The following MED12 variants were observed in gnomAD, a reference collection of about 807,000 sequenced individuals.
MED12 encodes the protein mediator of RNA polymerase II transcription subunit 12.
In MED12, 10 loss-of-function variants were observed where a neutral mutation model predicts 177.7. That is an observed-to-expected ratio of 0.06 (90% CI 0.03 to 0.10). MED12 has a LOEUF of 0.10. Among genes scored for constraint, MED12 ranks in the 10% least tolerant of loss-of-function variants. The pLI, the probability that MED12 is intolerant of heterozygous loss-of-function variation, is 1.00. For synonymous variants in MED12, 641 were observed against 678.4 expected, an observed-to-expected ratio of 0.94 and a Z score of 0.86; for missense variants, 867 against 1,780.8, an observed-to-expected ratio of 0.49 and a Z score of 9.23.
chrX:71,124,053 G>C, intron 12 of MED12, 106 bp from the exon 13 acceptor site: 1 of 700,061 alleles, frequency 1.4e-6, no homozygotes, highest in Non-Finnish European at 2.2e-6. Flanking sequence ...CAATTTCTGG[G>C]ATTTCTATTT....
chrX:71,124,135 T>C (rs756431590), intron 12 of MED12, 24 bp from the exon 13 acceptor site: 51 of 1,171,966 alleles, frequency 4.4e-5, no homozygotes, highest in Middle Eastern at 4.7e-4. Flanking sequence ...TCCTAACTTA[T>C]GTTTCCTCAT....
rs749801457 is a variant in MED12 at position 71,126,063 on chromosome X, G to A, written c.2450G>A (p.Arg817His). The A allele has an allele frequency of 1.7e-5, 21 of 1,207,693 alleles. No homozygotes were observed. The highest frequency in any genetic ancestry group is 2.3e-5 in the Non-Finnish European group (21 of 893,945). Reference protein sequence around the residue: ...LGGEDGQKRRRNRPEAFPTAE... With the variant: ...LGGEDGQKRRHNRPEAFPTAE... The stretch of plus-strand genomic sequence containing the variant: ...GGGGAGGATGGGCAGAAGCGGCGAC[G>A]CAACCGGCCTGAAGCCTTCCCCACT... Residue 817 changes from arginine to histidine, a missense_variant, in exon 18 of 45, where the codon CGC becomes CAC. Arg to His is a conservative substitution (Grantham distance 29). This residue lies in a region of MED12 where 309 missense variants were observed against 556.3 expected (regional missense o/e 0.56). Transcript: ENST00000374080.
intron 28 of MED12, among the ~76,000 whole-genome samples, chrX:71,130,584 G>C (rs2092314499): frequency 8.9e-6 from 1 of 112,984 alleles, no homozygotes; most frequent in Admixed American, 9.3e-5. Context: ...GCCAGGTACT[G>C]TGCTAGGCAC....
intron 28 of MED12, among the ~76,000 whole-genome samples, chrX:71,131,284 C>T (rs2092316741): frequency 9.0e-6 from 1 of 110,713 alleles, no homozygotes; most frequent in Admixed American, 9.6e-5. Context: ...CGCCCATCAC[C>T]ACGCCCAGCT....
chrX:71,119,138 C>A (rs956637169), intron 1 of MED12, among the ~76,000 whole-genome samples: 4 of 110,169 alleles, frequency 3.6e-5, no homozygotes, highest in Admixed American at 2.9e-4. Context: ...CTCGGCTGTT[C>A]GCAAGAGAAG....
In MED12 at chrX:71,136,569, C is replaced by T; in HGVS notation, c.5314C>T (p.Pro1772Ser). Residue 1772 changes from proline (P) to serine (S), a missense_variant, in exon 37 of 45, where the codon CCG becomes TCG. Coordinates refer to ENST00000374080, the MANE Select transcript of MED12 (RefSeq NM_005120.3). Reference protein sequence around the residue: ...KAPEPPKTDKPGAAPPSTEER... With the variant: ...KAPEPPKTDKSGAAPPSTEER... ...TCCAGAGCCCCCCAAAACTGACAAACCGGGGGCTGCTCCACCCAGTACTGA... is the reference window on the plus strand; with the variant it reads ...TCCAGAGCCCCCCAAAACTGACAAATCGGGGGCTGCTCCACCCAGTACTGA... 1 of 1,199,734 alleles carries T rather than the reference C, an allele frequency of 8.3e-7. No individual in the cohort carries two copies. Among genetic ancestry groups the T allele is most frequent in the East Asian group, 3.0e-5 (1 of 33,255 alleles).
rs756389648 is a variant in MED12 at position 71,123,235 on chromosome X, G to A, written c.1617+9G>A. 8.3e-7 allele frequency: 1 copy of A among 1,211,310 alleles called. No individual in the cohort carries two copies. The highest frequency in any genetic ancestry group is 1.7e-5 in the African/African-American group (1 of 57,763). ...CGGAGATTGAGGCTGAGGTTAGAGG[G>A]CAGAGATAAGAGAACAAGATTGGCC... On this transcript the variant is annotated intron_variant, in intron 11 of 44. Transcript: ENST00000374080.
chrX:71,118,675 T>G lies in MED12; in HGVS notation c.-80T>G. 1.0e-6 allele frequency: 1 copy of G among 958,191 alleles called. No homozygotes were observed. Among genetic ancestry groups the G allele is most frequent in the Non-Finnish European group, 1.5e-6 (1 of 684,538 alleles). The allele number at this position is 958,191 out of a possible 1,213,427, so 79.0% of individuals were successfully genotyped here. On this transcript the variant is annotated 5_prime_UTR_variant, in exon 1 of 45. Coordinates refer to ENST00000374080, the MANE Select transcript of MED12 (RefSeq NM_005120.3). ...GCCGTCCTCTCAACCACCGCCCCCCTTTTCGGCTCCCTCTCCCCCTTCCCG... is the reference window on the plus strand; with the variant it reads ...GCCGTCCTCTCAACCACCGCCCCCCGTTTCGGCTCCCTCTCCCCCTTCCCG...
At chrX:71,132,238 T>G in intron 30 of MED12, 32 bp downstream of exon 30, 14 of 1,201,983 alleles carry the variant, frequency 1.2e-5, no homozygotes, top group Non-Finnish European at 1.6e-5. Context: ...ACCCATCCCC[T>G]TAGGAGTTTA....
Position 71,142,240 on chromosome X carries a change from T to C in MED12, c.*22T>C, listed in dbSNP as rs1049786801. 8.3e-7 allele frequency: 1 copy of C among 1,203,053 alleles called. No homozygotes were observed. The highest frequency in any genetic ancestry group is 1.7e-5 in the African/African-American group (1 of 57,156). ...CTGAGCCACCTGGAGGAACTGCTTG[T>C]GCACTGGATGTGGCCCCACCCTTTC... On this transcript the variant is annotated 3_prime_UTR_variant, in exon 45 of 45. Transcript: ENST00000374080.
Position 71,128,734 on chromosome X carries a change from G to A in MED12, c.3475+16G>A, listed in dbSNP as rs1437254070. 2 of 1,202,784 alleles carry A rather than the reference G, an allele frequency of 1.7e-6. No homozygotes were observed. The highest frequency in any genetic ancestry group is 1.8e-5 in the African/African-American group (1 of 56,853). ...CTTAATGCTGGTGAACTACCAATCTGTAACCCCTAGCATTTCTAGACCTCA... is the reference window on the plus strand; with the variant it reads ...CTTAATGCTGGTGAACTACCAATCTATAACCCCTAGCATTTCTAGACCTCA... On this transcript the variant is annotated intron_variant, in intron 24 of 44. Coordinates refer to ENST00000374080, the MANE Select transcript of MED12 (RefSeq NM_005120.3).
chrX:71,141,298 A>ACCACAG lies in MED12; in HGVS notation c.6337_6338insCACAGC (p.Gln2112_Gln2113insProGln). The ACCACAG allele has an allele frequency of 1.7e-6, 2 of 1,143,719 alleles. No individual in the cohort carries two copies. Among genetic ancestry groups the ACCACAG allele is most frequent in the Non-Finnish European group, 2.3e-6 (2 of 853,596 alleles). The allele number at this position is 1,143,719 out of a possible 1,213,427, so 94.3% of individuals were successfully genotyped here. On this transcript the variant is annotated inframe_insertion, in exon 43 of 45. Transcript: ENST00000374080. ...AGCAACAGCAGCAGCAGCAACAGCA[A>ACCACAG]CAACAGCAACACCAGCAGCAACAGC...
Position 71,136,202 on chromosome X carries a change from T to C in MED12, c.5026-79T>C, listed in dbSNP as rs1429656402. On this transcript the variant is annotated intron_variant, in intron 36 of 44. Transcript: ENST00000374080. ...TCCTGAATCTGCCTATGACTTTCTT[T>C]CTACCCATTCCTACAAATGCTTGCA... 3.5e-6 allele frequency: 4 copies of C among 1,140,121 alleles called. No homozygotes were observed. The African/African-American group carries it at 7.2e-5, about 20-fold the overall frequency. 94.0% of individuals were successfully genotyped at this position (1,140,121 alleles called of 1,213,427 possible).
At chrX:71,124,097 C>G (rs977225988) in intron 12 of MED12, 62 bp from the exon 13 acceptor site, 5 of 947,284 alleles carry the variant, frequency 5.3e-6, no homozygotes, top group Non-Finnish European at 7.6e-6. Flanking sequence ...GTGTGTCCCT[C>G]TCTCTTTTGG....
In MED12 at chrX:71,136,394, A is replaced by C. The variant is rs751934349; in HGVS notation, c.5139A>C (p.Arg1713=). Residue 1713 remains arginine, a synonymous_variant, in exon 37 of 45, where the codon CGA becomes CGC. Transcript: ENST00000374080. ...GWFGTVRVDR[R]VARGEEQQRL... is the part of the protein sequence containing the mutation. ...TTGGAACAGTCCGAGTGGACCGGCGAGTGGCTCGAGGAGAGGAGCAGCAGC... is the reference window on the plus strand; with the variant it reads ...TTGGAACAGTCCGAGTGGACCGGCGCGTGGCTCGAGGAGAGGAGCAGCAGC... The C allele has an allele frequency of 5.8e-6, 7 of 1,211,108 alleles. No homozygotes were observed. The highest frequency in any genetic ancestry group is 1.7e-5 in the African/African-American group (1 of 57,609).
At chrX:71,132,345 C>T (rs1277692526) in intron 30 of MED12, 32 bp from the exon 31 acceptor site, 3 of 1,207,858 alleles carry the variant, frequency 2.5e-6, no homozygotes, top group Non-Finnish European at 3.4e-6. Flanking sequence ...CCTGGCTCCC[C>T]TGTGACCCTG....
At chrX:71,126,696 A>G (rs548797022) in intron 19 of MED12, among the ~76,000 whole-genome samples, 7 of 112,335 alleles carry the variant, frequency 6.2e-5, no homozygotes, top group Non-Finnish European at 1.3e-4. Context: ...AGATTAGAGC[A>G]TTGGGCACAG....
At chrX:71,141,838 G>A in intron 43 of MED12, 45 bp from the exon 44 acceptor site, 1 of 1,126,756 alleles carries the variant, frequency 8.9e-7, no homozygotes, top group Non-Finnish European at 1.2e-6. Flanking sequence ...GGTTGAAGAA[G>A]GAGAAAAGTT....
At chrX:71,131,088 A>G (rs1382597736) in intron 28 of MED12, among the ~76,000 whole-genome samples, 2 of 111,301 alleles carry the variant, frequency 1.8e-5, no homozygotes, top group Non-Finnish European at 3.8e-5. Context: ...TAAAAATTGG[A>G]AAGATTTTCA....
Sources: gnomAD v4.1 joint callset for allele counts (sites outside exome capture counted in the v4.1 genomes callset) on GRCh38, gnomAD v4.1.1 for gene constraint, gnomAD v4.1.1 regional missense constraint, MANE v1.5 for transcripts, NCBI Gene and HGNC (gene_info 2026-07-23, HGNC 2026-07-21) for gene names.